The following ROBO2 variants were observed in gnomAD, a reference collection of about 807,000 sequenced individuals.
ROBO2 encodes the protein roundabout homolog 2.
A neutral mutation model predicts 160.8 loss-of-function variants in ROBO2; 53 were observed. That is an observed-to-expected ratio of 0.33 (90% CI 0.26 to 0.41). ROBO2 has a LOEUF of 0.41. ROBO2 is among the 10% of genes least tolerant of loss of function. ROBO2 has a pLI of 1.00. For missense variants in ROBO2, 1,577 were observed against 1,722.4 expected (o/e 0.92, Z 1.49); for synonymous variants, 664 against 611.7 (o/e 1.09, Z -1.26).
At chr3:76,866,994 T>C (rs2071440995) in intron 2 of ROBO2, among the ~76,000 whole-genome samples, 1 of 152,124 alleles carries the variant, frequency 6.6e-6, no homozygotes, top group African/African-American at 2.4e-5. Flanking sequence ...GAATATGCAG[T>C]GAACCATCTG....
chr3:76,961,109 T>C (rs929155855), intron 2 of ROBO2, among the ~76,000 whole-genome samples: 26 of 152,064 alleles, frequency 1.7e-4, no homozygotes, highest in African/African-American at 6.0e-4. Context: ...TCAGATAATT[T>C]TTGAAGGGAC....
chr3:77,094,963 A>G (rs1482319603), intron 1 of ROBO2, among the ~76,000 whole-genome samples: 1 of 152,120 alleles, frequency 6.6e-6, no homozygotes, highest in Non-Finnish European at 1.5e-5. Context: ...TGATTTGCAG[A>G]TTATTTTTCT....
intron 2 of ROBO2, among the ~76,000 whole-genome samples, chr3:76,656,659 G>A (rs1017849904): frequency 3.4e-4 from 51 of 151,688 alleles, no homozygotes; most frequent in African/African-American, 8.2e-4. Flanking sequence ...TTTAGAGACC[G>A]CAAGAAACTG....
chr3:76,695,810 A>G (rs2092915144), intron 2 of ROBO2, among the ~76,000 whole-genome samples: 1 of 152,184 alleles, frequency 6.6e-6, no homozygotes, highest in Admixed American at 6.6e-5. Context: ...AAGAAATAGG[A>G]TTTGAATCCA....
intron 2 of ROBO2, among the ~76,000 whole-genome samples, chr3:77,147,287 A>G (rs923076583): frequency 2.6e-5 from 4 of 152,116 alleles, no homozygotes; most frequent in African/African-American, 9.7e-5. Flanking sequence ...AATCTGCCTG[A>G]AGCTCAGTAT....
intron 2 of ROBO2, among the ~76,000 whole-genome samples, chr3:76,295,991 G>A (rs2107720712): frequency 6.6e-6 from 1 of 152,258 alleles, no homozygotes; most frequent in African/African-American, 2.4e-5. Flanking sequence ...TGCGTAGGCT[G>A]AAAAATGACC....
At chr3:76,468,574 G>A (rs771853708) in intron 2 of ROBO2, among the ~76,000 whole-genome samples, 1 of 151,832 alleles carries the variant, frequency 6.6e-6, no homozygotes, top group Non-Finnish European at 1.5e-5. Context: ...TTTATATAAT[G>A]TGGCCTTTGT....
At chr3:77,506,294 T>C (rs761863676) in intron 5 of ROBO2, among the ~76,000 whole-genome samples, 2 of 152,194 alleles carry the variant, frequency 1.3e-5, no homozygotes, top group African/African-American at 2.4e-5. Flanking sequence ...GCTCAAAATA[T>C]ACTGCGTGGT....
intron 2 of ROBO2, among the ~76,000 whole-genome samples, chr3:76,588,275 C>A (rs987357909): frequency 6.6e-6 from 1 of 152,200 alleles, no homozygotes; most frequent in Admixed American, 6.5e-5. Context: ...GGCAGAAAAT[C>A]CCTGATGGAT....
chr3:76,031,925 G>A (rs1452441016), intron 2 of ROBO2, among the ~76,000 whole-genome samples: 2 of 152,110 alleles, frequency 1.3e-5, no homozygotes, highest in Non-Finnish European at 2.9e-5. Flanking sequence ...GATTGGAATA[G>A]TTTCAGAAGG....
At chr3:76,279,712 A>C (rs190017864) in intron 2 of ROBO2, among the ~76,000 whole-genome samples, 90 of 151,222 alleles carry the variant, frequency 6.0e-4, no homozygotes, top group African/African-American at 2.2e-3. Flanking sequence ...GATAAGGGGA[A>C]ACAATTATCA....
chr3:77,017,643 A>G (rs2062358288), intron 2 of ROBO2, among the ~76,000 whole-genome samples: 1 of 152,214 alleles, frequency 6.6e-6, no homozygotes, highest in Non-Finnish European at 1.5e-5. Flanking sequence ...AATAAGACAC[A>G]TCAGGTAGAA....
intron 2 of ROBO2, among the ~76,000 whole-genome samples, chr3:76,116,852 T>G (rs1003900867): frequency 6.6e-6 from 1 of 152,140 alleles, no homozygotes; most frequent in Non-Finnish European, 1.5e-5. Flanking sequence ...TTTTTTTACT[T>G]GAGTAAAACC....
chr3:76,446,187 C>G (rs2077171743), intron 2 of ROBO2, among the ~76,000 whole-genome samples: 1 of 152,176 alleles, frequency 6.6e-6, no homozygotes, highest in South Asian at 2.1e-4. Flanking sequence ...GCAACTTCAG[C>G]AAAGTCTCAG....
intron 2 of ROBO2, among the ~76,000 whole-genome samples, chr3:77,214,008 C>T (rs1338733621): frequency 6.6e-6 from 1 of 152,118 alleles, no homozygotes; most frequent in East Asian, 1.9e-4. Context: ...ACTATGTGGT[C>T]AATTTTGGAA....
intron 2 of ROBO2, among the ~76,000 whole-genome samples, chr3:76,676,105 A>C (rs2092400411): frequency 6.6e-6 from 1 of 152,150 alleles, no homozygotes; most frequent in Admixed American, 6.6e-5. Context: ...ATTGAATAAA[A>C]ATAAAACAAG....
At chr3:77,502,542 T>A (rs1001433333) in intron 5 of ROBO2, among the ~76,000 whole-genome samples, 1 of 152,180 alleles carries the variant, frequency 6.6e-6, no homozygotes, top group Non-Finnish European at 1.5e-5. Flanking sequence ...ATAATTTCAC[T>A]GGAAACATAT....
chr3:77,602,527 C>T (rs766226636), intron 20 of ROBO2, 36 bp downstream of exon 21: 1 of 1,609,368 alleles, frequency 6.2e-7, no homozygotes, highest in Non-Finnish European at 8.5e-7. Flanking sequence ...GAGGTATTTT[C>T]ATATCATTTG....
rs79508437 is a variant in ROBO2, at chr3:75,994,275, C to T, written c.109+56673C>T. ...GTGCCTTATTTCATTCTTGTAATTTCAAAATTGTCATCACCCTGCAGACTT... is the reference window on the plus strand; with the variant it reads ...GTGCCTTATTTCATTCTTGTAATTTTAAAATTGTCATCACCCTGCAGACTT... On this transcript the variant is annotated intron_variant, in intron 2 of 26. Transcript: ENST00000487694. Among the ~76,000 whole-genome samples the T allele has an allele frequency of 6.9e-3, 1,054 of 152,246 alleles. 71 individuals carry two copies. The East Asian group carries it at 0.17, about 25-fold the overall frequency.
Sources: gnomAD v4.1 joint callset for allele counts (sites outside exome capture counted in the v4.1 genomes callset) on GRCh38, gnomAD v4.1.1 for gene constraint, MANE v1.5 for transcripts, NCBI Gene and HGNC (gene_info 2026-07-23, HGNC 2026-07-21) for gene names.